VPS4B: variants seen among roughly 807,000 people sequenced by gnomAD.
VPS4B encodes vacuolar protein sorting-associated protein 4B.
VPS4B carries 23 observed loss-of-function variants against 56.1 expected under a neutral mutation model. The observed-to-expected ratio is 0.41, with a 90% CI of 0.30 to 0.58. The LOEUF is 0.58. Ranked by LOEUF, VPS4B falls within the 20% of genes least tolerant of loss-of-function variation. The pLI, the probability that VPS4B is intolerant of heterozygous loss-of-function variation, is 0.29. For synonymous variants in VPS4B, 177 were observed against 186.0 expected (o/e 0.95, Z 0.39); for missense variants, 372 against 531.9 (o/e 0.70, Z 2.96).
In VPS4B at chr18:63,396,953, G is replaced by C. The variant is rs762563506; in HGVS notation, c.1092+81C>G. 7.9e-6 allele frequency: 11 copies of C among 1,393,596 alleles called. No homozygotes were observed. The Admixed American group carries it at 2.1e-4, about 26-fold the overall frequency. 86.3% of individuals were successfully genotyped at this position (1,393,596 alleles called of 1,614,324 possible). A position where few individuals can be genotyped will look rare whatever the true frequency, so the allele number is the denominator to read the frequency against. On this transcript the variant is annotated intron_variant, in intron 9 of 10. Transcript: ENST00000238497. Reference sequence around the variant, plus strand: ...TGCAGCAAGCCCAGATAGTGCCACTGCACTCCAGCCTGGGCAACAGAGTGA... The same window carrying C: ...TGCAGCAAGCCCAGATAGTGCCACTCCACTCCAGCCTGGGCAACAGAGTGA...
At chr18:63,399,902 C>T in intron 7 of VPS4B, 146 bp downstream of exon 7, 1 of 563,456 alleles carries the variant, frequency 1.8e-6, no homozygotes, top group Non-Finnish European at 2.8e-6. Flanking sequence ...GCCTGTAATC[C>T]CAGCTACTCA....
At chr18:63,410,992 C>T (rs1916028495) in intron 2 of VPS4B, among the ~76,000 whole-genome samples, 1 of 152,164 alleles carries the variant, frequency 6.6e-6, no homozygotes, top group Non-Finnish European at 1.5e-5. Flanking sequence ...ATGGGATGAG[C>T]CCCACATAGC....
intron 1 of VPS4B, among the ~76,000 whole-genome samples, chr18:63,418,936 T>C (rs1314205532): frequency 6.6e-6 from 1 of 152,204 alleles, no homozygotes; most frequent in Non-Finnish European, 1.5e-5. Flanking sequence ...TCACCGGACA[T>C]TTCCATTTGA....
rs1389798430 is a variant in VPS4B, at chr18:63,397,024, A to T, written c.1092+10T>A. On this transcript the variant is annotated intron_variant, in intron 9 of 10. Transcript: ENST00000238497. ...AAAAAGATAGGAAAGGATAGATAAA[A>T]ATGACTTACCTTTTTAAAATGAGTA... 1 of 1,613,182 alleles carries T rather than the reference A, an allele frequency of 6.2e-7. No individual in the cohort carries two copies. Among genetic ancestry groups the T allele is most frequent in the East Asian group, 2.2e-5 (1 of 44,872 alleles).
intron 1 of VPS4B, among the ~76,000 whole-genome samples, chr18:63,418,639 G>C (rs192129426): frequency 2.6e-5 from 4 of 152,244 alleles, no homozygotes; most frequent in South Asian, 2.1e-4. Flanking sequence ...AAGCTGAAGC[G>C]ATCTGCTGCC....
intron 10 of VPS4B, among the ~76,000 whole-genome samples, chr18:63,392,271 C>A (rs1435777224): frequency 6.6e-6 from 1 of 152,106 alleles, no homozygotes; most frequent in Admixed American, 6.6e-5. Flanking sequence ...AAATAACATG[C>A]CTTGCAAAGT....
At chr18:63,421,985 C>A (rs561152144) in intron 1 of VPS4B, among the ~76,000 whole-genome samples, 1 of 152,176 alleles carries the variant, frequency 6.6e-6, no homozygotes, top group South Asian at 2.1e-4. Flanking sequence ...GGTTTGGAAG[C>A]GGGAAGTGTC....
At chr18:63,401,278 G>A (rs1048983765) in intron 5 of VPS4B, among the ~76,000 whole-genome samples, 3 of 152,096 alleles carry the variant, frequency 2.0e-5, no homozygotes, top group African/African-American at 4.8e-5. Context: ...TTTTGAGACA[G>A]AGTCTCACTC....
In VPS4B at chr18:63,390,687, A is replaced by G. The variant is rs1915528530; in HGVS notation, c.*288T>C. On this transcript the variant is annotated 3_prime_UTR_variant, in exon 11 of 11. Coordinates refer to ENST00000238497, the MANE Select transcript of VPS4B (RefSeq NM_004869.4). The stretch of plus-strand genomic sequence containing the variant: ...ACCACCATTCATAAAAATTGTAAAT[A>G]TTTGTATGTCAATTTCTGACATCCT... 2 of 180,210 alleles carry G rather than the reference A, an allele frequency of 1.1e-5. No homozygotes were observed. The highest frequency in any genetic ancestry group is 2.3e-5 in the Non-Finnish European group (2 of 87,012). 11.2% of individuals were successfully genotyped at this position (180,210 alleles called of 1,614,324 possible).
intron 3 of VPS4B, among the ~76,000 whole-genome samples, chr18:63,408,559 A>G (rs1403701065): frequency 6.6e-6 from 1 of 152,182 alleles, no homozygotes; most frequent in Non-Finnish European, 1.5e-5. Context: ...GGCTGCTCAC[A>G]AGGAGACAGA....
At chr18:63,395,774 C>T (rs1915655593) in intron 9 of VPS4B, among the ~76,000 whole-genome samples, 1 of 152,204 alleles carries the variant, frequency 6.6e-6, no homozygotes, top group South Asian at 2.1e-4. Context: ...CCACAGCCTT[C>T]TTATAAAACT....
At chr18:63,422,039 C>T (rs1242704936) in intron 1 of VPS4B, among the ~76,000 whole-genome samples, 194 bp downstream of exon 1, 2 of 152,172 alleles carry the variant, frequency 1.3e-5, no homozygotes, top group East Asian at 3.9e-4. Flanking sequence ...TCGGGAGACC[C>T]CAAGAGCGGG....
chr18:63,413,435 A>G (rs1916090421), intron 1 of VPS4B, among the ~76,000 whole-genome samples: 1 of 151,808 alleles, frequency 6.6e-6, no homozygotes, highest in Admixed American at 6.6e-5. Context: ...GCTACTTGGG[A>G]GACTGAGGCA....
chr18:63,413,722 A>G (rs1916099084), intron 1 of VPS4B, among the ~76,000 whole-genome samples: 1 of 152,184 alleles, frequency 6.6e-6, no homozygotes, highest in East Asian at 1.9e-4. Context: ...AACATAAGCA[A>G]AAAATCATTC....
intron 3 of VPS4B, 145 bp downstream of exon 3, chr18:63,410,145 T>C: frequency 9.4e-7 from 1 of 1,060,176 alleles, no homozygotes; most frequent in Non-Finnish European, 1.4e-6. Context: ...CACGGCTGTG[T>C]TCTGATAAAG....
intron 4 of VPS4B, 177 bp downstream of exon 4, chr18:63,407,255 T>C: frequency 1.7e-6 from 1 of 593,864 alleles, no homozygotes; most frequent in Non-Finnish European, 2.9e-6. Context: ...ACCATGATCC[T>C]AGAGGGCAAA....
intron 5 of VPS4B, among the ~76,000 whole-genome samples, chr18:63,401,901 G>A (rs1450827750): frequency 6.6e-6 from 1 of 152,178 alleles, no homozygotes; most frequent in African/African-American, 2.4e-5. Flanking sequence ...GCTGAGGCAG[G>A]AGAATTGCTT....
At chr18:63,395,222 T>C (rs62099960) in intron 9 of VPS4B, among the ~76,000 whole-genome samples, 5,448 of 152,190 alleles carry the variant, frequency 0.036, 102 homozygotes, top group African/African-American at 0.044. Flanking sequence ...AAACTCTCAG[T>C]AGGAAAGGAC....
In VPS4B at chr18:63,399,352, A is replaced by G. The variant is rs748463455; in HGVS notation, c.791-29T>C. On this transcript the variant is annotated intron_variant, in intron 7 of 10. Coordinates refer to ENST00000238497, the MANE Select transcript of VPS4B (RefSeq NM_004869.4). ...CATTAAAATAGGTAATGCTTTAATTAATTTGTCATTTTGGTGTTCTTTAAA... is the reference window on the plus strand; with the variant it reads ...CATTAAAATAGGTAATGCTTTAATTGATTTGTCATTTTGGTGTTCTTTAAA... 2.5e-6 allele frequency: 4 copies of G among 1,592,972 alleles called. No homozygotes were observed. In the East Asian group the frequency reaches 6.7e-5, roughly 27 times the overall value.
Sources: gnomAD v4.1 joint callset for allele counts (sites outside exome capture counted in the v4.1 genomes callset) on GRCh38, gnomAD v4.1.1 for gene constraint, MANE v1.5 for transcripts, NCBI Gene and HGNC (gene_info 2026-07-23, HGNC 2026-07-21) for gene names.